PPARGC1A: variants seen among roughly 807,000 people sequenced by gnomAD.
The protein encoded by PPARGC1A is peroxisome proliferator-activated receptor gamma coactivator 1-alpha.
PPARGC1A carries 25 observed loss-of-function variants against 88.7 expected under a neutral mutation model. The observed-to-expected ratio is 0.28, with a 90% CI of 0.21 to 0.39. The LOEUF (loss-of-function observed/expected upper bound fraction) is 0.39. Among genes scored for constraint, PPARGC1A ranks in the 10% least tolerant of loss-of-function variants. The pLI, the probability that PPARGC1A is intolerant of heterozygous loss-of-function variation, is 1.00. For missense variants in PPARGC1A, 880 were observed against 968.7 expected, an observed-to-expected ratio of 0.91 and a Z score of 1.22; for synonymous variants, 363 against 355.6, an observed-to-expected ratio of 1.02 and a Z score of -0.24.
the PPARGC1A span, among the ~76,000 whole-genome samples, chr4:23,977,595 A>T: frequency 6.6e-6 from 1 of 152,202 alleles, no homozygotes; most frequent in Admixed American, 6.5e-5. Context: ...TAACTAGGAG[A>T]TGGATTGATA....
At chr4:24,127,371 G>GT in the PPARGC1A span, among the ~76,000 whole-genome samples, 1 of 152,030 alleles carries the variant, frequency 6.6e-6, no homozygotes, top group Admixed American at 6.6e-5. Context: ...ATAAGCCATA[G>GT]TATCAAGTTT....
chr4:24,443,796 C>T, the PPARGC1A span, among the ~76,000 whole-genome samples: 14 of 150,462 alleles, frequency 9.3e-5, no homozygotes, highest in Non-Finnish European at 1.6e-4. Flanking sequence ...CCTCGTGATC[C>T]GCCTGCCTCA....
At chr4:24,035,198 A>C in the PPARGC1A span, among the ~76,000 whole-genome samples, 4 of 152,182 alleles carry the variant, frequency 2.6e-5, no homozygotes, top group Admixed American at 2.0e-4. Context: ...CCATAAATTA[A>C]ATTAAATATT....
chr4:24,054,746 G>C, the PPARGC1A span, among the ~76,000 whole-genome samples: 1 of 152,142 alleles, frequency 6.6e-6, no homozygotes, highest in African/African-American at 2.4e-5. Context: ...CTTCATGTCA[G>C]TACATAATTT....
chr4:23,869,396 G>T (rs1313095979), intron 2 of PPARGC1A, among the ~76,000 whole-genome samples: 1 of 152,120 alleles, frequency 6.6e-6, no homozygotes, highest in African/African-American at 2.4e-5. Flanking sequence ...TTAATGAAGG[G>T]TTGTGGCCCG....
At chr4:23,908,662 T>C (rs1417055500), upstream of PPARGC1A, among the ~76,000 whole-genome samples, 1 of 152,204 alleles carries the variant, frequency 6.6e-6, no homozygotes, top group Non-Finnish European at 1.5e-5. Flanking sequence ...CTACATGAAC[T>C]CTGCCTATGA....
chr4:23,840,831 C>T (rs1487986580), intron 2 of PPARGC1A, among the ~76,000 whole-genome samples: 4 of 152,098 alleles, frequency 2.6e-5, no homozygotes, highest in Non-Finnish European at 4.4e-5. Context: ...TCCTCACCTC[C>T]TCCTATCCTC....
chr4:24,243,367 A>G, the PPARGC1A span, among the ~76,000 whole-genome samples: 1 of 152,116 alleles, frequency 6.6e-6, no homozygotes, highest in African/African-American at 2.4e-5. Context: ...ATAACAGTGA[A>G]CTCCCCATCT....
chr4:24,235,812 G>C, the PPARGC1A span, among the ~76,000 whole-genome samples: 1 of 152,160 alleles, frequency 6.6e-6, no homozygotes, highest in Non-Finnish European at 1.5e-5. Flanking sequence ...CTCATCCACA[G>C]CTGATAAGGA....
At chr4:24,253,558 A>T in the PPARGC1A span, among the ~76,000 whole-genome samples, 40,120 of 152,154 alleles carry the variant, frequency 0.26, 5,670 homozygotes, top group East Asian at 0.44. Context: ...ATTGAGGGGG[A>T]ATTTCAAACA....
chr4:24,126,663 T>A, the PPARGC1A span, among the ~76,000 whole-genome samples: 28 of 152,238 alleles, frequency 1.8e-4, no homozygotes, highest in Non-Finnish European at 3.8e-4. Context: ...CCCATGTGTA[T>A]TAAATGGTCA....
chr4:23,955,392 T>C, the PPARGC1A span, among the ~76,000 whole-genome samples: 1 of 152,046 alleles, frequency 6.6e-6, no homozygotes, highest in East Asian at 1.9e-4. Flanking sequence ...GGCATAAAAA[T>C]ATCAAAATAA....
chr4:23,917,376 CTTT>C, the PPARGC1A span, among the ~76,000 whole-genome samples: 16 of 132,488 alleles, frequency 1.2e-4, no homozygotes, highest in Admixed American at 2.2e-4. Context: ...TTCTTTCTTT[CTTT>C]TTTTTTTTTT....
the PPARGC1A span, among the ~76,000 whole-genome samples, chr4:24,183,537 G>C: frequency 6.6e-6 from 1 of 152,188 alleles, no homozygotes; most frequent in South Asian, 2.1e-4. Context: ...GCTTTGTGAT[G>C]GTCATTAGAC....
the PPARGC1A span, among the ~76,000 whole-genome samples, chr4:23,960,408 A>G: frequency 0.74 from 112,670 of 151,900 alleles, 42,714 homozygotes; most frequent in Non-Finnish European, 0.84. Context: ...AATAATGCTG[A>G]GGTATGATCA....
At chr4:23,867,646 A>G (rs1712311083) in intron 2 of PPARGC1A, among the ~76,000 whole-genome samples, 1 of 152,198 alleles carries the variant, frequency 6.6e-6, no homozygotes, top group South Asian at 2.1e-4. Flanking sequence ...CCTGGTTCCA[A>G]TGATCACAGA....
chr4:24,110,134 G>A, the PPARGC1A span, among the ~76,000 whole-genome samples: 1 of 152,164 alleles, frequency 6.6e-6, no homozygotes, highest in South Asian at 2.1e-4. Flanking sequence ...CAGCAAGCCT[G>A]AACTCCTTGG....
chr4:23,805,775 T>C (rs995840307), intron 10 of PPARGC1A, among the ~76,000 whole-genome samples: 1 of 151,918 alleles, frequency 6.6e-6, no homozygotes, highest in Non-Finnish European at 1.5e-5. Context: ...TACTACTGTA[T>C]AGAGAGGAGG....
chr4:23,924,630 T>C, the PPARGC1A span, among the ~76,000 whole-genome samples: 1 of 152,032 alleles, frequency 6.6e-6, no homozygotes, highest in Non-Finnish European at 1.5e-5. Flanking sequence ...TCGAAAAAAC[T>C]TTCATTCCAT....
Sources: allele counts gnomAD v4.1 joint callset (sites outside exome capture counted in the v4.1 genomes callset), GRCh38; gene constraint gnomAD v4.1.1; transcripts MANE v1.5; gene names NCBI Gene and HGNC (gene_info 2026-07-23, HGNC 2026-07-21).